The following LYPLAL1 variants were observed in gnomAD, a reference collection of about 807,000 sequenced individuals.
LYPLAL1 encodes the protein lysophospholipase like 1.
In LYPLAL1, 23 loss-of-function variants were observed where a neutral mutation model predicts 19.7. That is an observed-to-expected ratio of 1.17 (90% CI 0.84 to 1.65). The LOEUF is 1.65. Ranked by LOEUF, LYPLAL1 falls within the 40% of genes most tolerant of loss-of-function variation. LYPLAL1 has a pLI of 0.00. For synonymous variants in LYPLAL1, 119 were observed against 96.3 expected, an observed-to-expected ratio of 1.24 and a Z score of -1.38; for missense variants, 355 against 279.4, an observed-to-expected ratio of 1.27 and a Z score of -1.93.
chr1:219,174,645 A>G (rs916978608), intron 1 of LYPLAL1, among the ~76,000 whole-genome samples: 1 of 152,116 alleles, frequency 6.6e-6, no homozygotes, highest in African/African-American at 2.4e-5. Context: ...TTAATGCTGT[A>G]TCGTTACTTA....
chr1:219,183,366 C>G (rs1406520287), intron 2 of LYPLAL1, among the ~76,000 whole-genome samples: 1 of 151,956 alleles, frequency 6.6e-6, no homozygotes, highest in Non-Finnish European at 1.5e-5. Flanking sequence ...CAAATACCTT[C>G]TCTTTGTGGT....
chr1:219,234,376 A>T, the LYPLAL1 span, among the ~76,000 whole-genome samples: 50 of 152,192 alleles, frequency 3.3e-4, no homozygotes, highest in Non-Finnish European at 5.7e-4. Flanking sequence ...TCAAATTATT[A>T]TAGAGCCTAA....
downstream of LYPLAL1, among the ~76,000 whole-genome samples, chr1:219,214,000 T>A (rs1659195219): frequency 1.3e-5 from 2 of 152,128 alleles, no homozygotes; most frequent in African/African-American, 4.8e-5. Context: ...CAGTCTTACA[T>A]CATTAAATAT....
At chr1:219,190,756 GA>G (rs1260780076) in intron 2 of LYPLAL1, among the ~76,000 whole-genome samples, 1 of 149,086 alleles carries the variant, frequency 6.7e-6, no homozygotes, top group African/African-American at 2.5e-5. Context: ...TTTTAAACAA[GA>G]AAAAAATTGA....
the LYPLAL1 span, among the ~76,000 whole-genome samples, chr1:219,310,899 G>T: frequency 2.0e-5 from 3 of 152,220 alleles, no homozygotes; most frequent in Non-Finnish European, 2.9e-5. Context: ...CCTTGGTAAA[G>T]TGAAAATAGT....
chr1:219,423,565 T>C, the LYPLAL1 span, among the ~76,000 whole-genome samples: 1 of 152,232 alleles, frequency 6.6e-6, no homozygotes, highest in Non-Finnish European at 1.5e-5. Flanking sequence ...GACTGAATTC[T>C]AATTGTCCAA....
downstream of LYPLAL1, among the ~76,000 whole-genome samples, chr1:219,217,321 T>C (rs1425079144): frequency 6.6e-6 from 1 of 151,846 alleles, no homozygotes; most frequent in Non-Finnish European, 1.5e-5. Flanking sequence ...TGTAAGTCTT[T>C]AACAAAATGA....
intron 2 of LYPLAL1, among the ~76,000 whole-genome samples, chr1:219,182,588 A>C (rs903490396): frequency 6.6e-6 from 1 of 152,094 alleles, no homozygotes; most frequent in Non-Finnish European, 1.5e-5. Context: ...GTACAGGATA[A>C]AAATGAATTT....
the LYPLAL1 span, among the ~76,000 whole-genome samples, chr1:219,317,596 C>T: frequency 2.0e-5 from 3 of 151,972 alleles, no homozygotes; most frequent in African/African-American, 7.2e-5. Context: ...TCCTAATTGT[C>T]CCAGGAATAA....
the LYPLAL1 span, among the ~76,000 whole-genome samples, chr1:219,249,399 C>T: frequency 6.6e-6 from 1 of 151,848 alleles, no homozygotes; most frequent in Non-Finnish European, 1.5e-5. Context: ...GTGTAATATT[C>T]CATAGTGTTA....
chr1:219,375,303 C>G, the LYPLAL1 span, among the ~76,000 whole-genome samples: 1 of 151,942 alleles, frequency 6.6e-6, no homozygotes. Context: ...CCCGTCTCTA[C>G]TAAAAATACA....
chr1:219,443,617 T>C, the LYPLAL1 span, among the ~76,000 whole-genome samples: 2 of 152,068 alleles, frequency 1.3e-5, no homozygotes, highest in East Asian at 3.8e-4. Flanking sequence ...CGAAAATAGC[T>C]TTGCTATAAG....
the LYPLAL1 span, among the ~76,000 whole-genome samples, chr1:219,401,923 G>T: frequency 1.3e-5 from 2 of 152,104 alleles, no homozygotes; most frequent in Non-Finnish European, 2.9e-5. Flanking sequence ...CAAATGCCCA[G>T]GTTGGTCAAT....
At chr1:219,320,056 A>C in the LYPLAL1 span, among the ~76,000 whole-genome samples, 1 of 152,224 alleles carries the variant, frequency 6.6e-6, no homozygotes, top group Non-Finnish European at 1.5e-5. Flanking sequence ...ATAACACACA[A>C]CACAATACGC....
chr1:219,297,375 C>A, the LYPLAL1 span, among the ~76,000 whole-genome samples: 1 of 152,150 alleles, frequency 6.6e-6, no homozygotes, highest in South Asian at 2.1e-4. Context: ...CAGTTTTGCT[C>A]TGTTGAATGC....
the LYPLAL1 span, among the ~76,000 whole-genome samples, chr1:219,285,194 A>G: frequency 6.6e-6 from 1 of 152,238 alleles, no homozygotes; most frequent in Non-Finnish European, 1.5e-5. Flanking sequence ...TTATCGATAA[A>G]GCACTTTTCT....
chr1:219,371,065 T>G, the LYPLAL1 span, among the ~76,000 whole-genome samples: 1 of 152,214 alleles, frequency 6.6e-6, no homozygotes, highest in African/African-American at 2.4e-5. Context: ...CGTAGTTATA[T>G]TACTTATTTC....
the LYPLAL1 span, among the ~76,000 whole-genome samples, chr1:219,260,256 A>T: frequency 6.6e-6 from 1 of 151,922 alleles, no homozygotes; most frequent in Non-Finnish European, 1.5e-5. Flanking sequence ...AAGAAAAAAA[A>T]TCTGTGTTAG....
At chr1:219,307,013 T>C in the LYPLAL1 span, among the ~76,000 whole-genome samples, 437 of 133,584 alleles carry the variant, frequency 3.3e-3, 3 homozygotes, top group African/African-American at 0.011. Context: ...AAATGATATA[T>C]ATACACATAC....
Sources: gnomAD v4.1 joint callset for allele counts (sites outside exome capture counted in the v4.1 genomes callset) on GRCh38, gnomAD v4.1.1 for gene constraint, MANE v1.5 for transcripts, NCBI Gene and HGNC (gene_info 2026-07-23, HGNC 2026-07-21) for gene names.